The following PAIP2 variants were observed in gnomAD, a reference collection of about 807,000 sequenced individuals.
The protein encoded by PAIP2 is poly(A) binding protein interacting protein 2, also known as polyadenylate-binding protein-interacting protein 2.
In PAIP2, 7 loss-of-function variants were observed where a neutral mutation model predicts 14.8. The observed-to-expected ratio is 0.47, with a 90% CI of 0.27 to 0.89. The LOEUF (loss-of-function observed/expected upper bound fraction) is 0.89, where lower values mean the gene tolerates loss of function less well. Ranked by LOEUF, PAIP2 falls within the 40% of genes least tolerant of loss-of-function variation. The pLI is 0.13. For synonymous variants in PAIP2, 47 were observed against 45.3 expected (o/e 1.04, Z -0.15); for missense variants, 122 against 154.7 (o/e 0.79, Z 1.12).
At chr5:139,359,842 C>T (rs1012534910) in intron 1 of PAIP2, among the ~76,000 whole-genome samples, 3 of 151,288 alleles carry the variant, frequency 2.0e-5, no homozygotes, top group South Asian at 2.1e-4. Flanking sequence ...CATGGTGGCA[C>T]GCTCCTGTAA....
At chr5:139,353,790 A>T (rs1228800423) in intron 1 of PAIP2, among the ~76,000 whole-genome samples, 2 of 150,386 alleles carry the variant, frequency 1.3e-5, no homozygotes, top group African/African-American at 4.9e-5. Flanking sequence ...CGCTGTCTCG[A>T]CTCACTGTAC....
At chr5:139,360,851 C>T (rs1291650489) in intron 1 of PAIP2, among the ~76,000 whole-genome samples, 2 of 151,498 alleles carry the variant, frequency 1.3e-5, no homozygotes, top group African/African-American at 4.9e-5. Context: ...TGTGATCTTG[C>T]CTCTCTGCAA....
At chr5:139,366,303 A>G (rs1163563753) in intron 3 of PAIP2, among the ~76,000 whole-genome samples, 2 of 152,056 alleles carry the variant, frequency 1.3e-5, no homozygotes, top group Non-Finnish European at 2.9e-5. Flanking sequence ...TAATCTGTAC[A>G]CCATGATTAC....
chr5:139,356,185 C>CGCCT lies in PAIP2; in HGVS notation c.-26-7572_-26-7569dup, dbSNP rs560514687. On this transcript the variant is annotated intron_variant, in intron 1 of 3. Coordinates refer to ENST00000265192, the MANE Select transcript of PAIP2 (RefSeq NM_016480.5). ...AAAGTCGGCTGGGCACGGTGGCTCA[C>CGCCT]GCCTGTAATACCAGCACTTTGGGAG... Among the ~76,000 whole-genome samples, 911 of 151,830 alleles carry CGCCT rather than the reference C, an allele frequency of 6.0e-3. 12 individuals carry two copies. Among genetic ancestry groups the CGCCT allele is most frequent in the African/African-American group, 0.018 (732 of 41,350 alleles).
Position 139,368,747 on chromosome 5 carries a change from G to T in PAIP2, c.333G>T (p.Leu111=). ...TTATTTTCCAGGTCAAGAGCAATCT[G>T]AATCCAAATGCAAAGGAGTTTGTTC... is the stretch of plus-strand genomic sequence containing the variant. The part of the protein sequence containing the change: ...SLEDLVVKSN[L]NPNAKEFVPG... The change falls in exon 4 of 4, where the codon CTG becomes CTT. Residue 111 remains leucine (L), a synonymous_variant. Coordinates refer to ENST00000265192, the MANE Select transcript of PAIP2 (RefSeq NM_016480.5). The T allele has an allele frequency of 6.2e-6, 10 of 1,613,104 alleles. No homozygotes were observed. Among genetic ancestry groups the T allele is most frequent in the Non-Finnish European group, 8.5e-6 (10 of 1,179,328 alleles).
intron 1 of PAIP2, among the ~76,000 whole-genome samples, chr5:139,358,118 C>T (rs1265469807): frequency 6.6e-6 from 1 of 152,208 alleles, no homozygotes; most frequent in Non-Finnish European, 1.5e-5. Context: ...CCACCTCAGA[C>T]TCCCAAAGTG....
chr5:139,353,028 A>G (rs759572530), intron 1 of PAIP2, among the ~76,000 whole-genome samples: 1 of 151,682 alleles, frequency 6.6e-6, no homozygotes, highest in Non-Finnish European at 1.5e-5. Context: ...AGGCAGGACA[A>G]TCGTTTGAAC....
chr5:139,355,060 C>T (rs559401811), intron 1 of PAIP2, among the ~76,000 whole-genome samples: 2 of 151,446 alleles, frequency 1.3e-5, no homozygotes, highest in East Asian at 3.9e-4. Flanking sequence ...CCTCGTGATC[C>T]TCCTGCCCCA....
chr5:139,345,181 A>G (rs73255252), intron 1 of PAIP2, among the ~76,000 whole-genome samples: 3,071 of 151,794 alleles, frequency 0.02, 115 homozygotes, highest in African/African-American at 0.068. Context: ...GAGTAGCTGC[A>G]CCCGACACCA....
At chr5:139,345,349 G>C (rs1281441546) in intron 1 of PAIP2, among the ~76,000 whole-genome samples, 4 of 151,964 alleles carry the variant, frequency 2.6e-5, no homozygotes. Context: ...CAGAGCCCAT[G>C]TTTTTTAATC....
At chr5:139,362,244 GGA>G (rs947962874) in intron 1 of PAIP2, among the ~76,000 whole-genome samples, 1 of 151,878 alleles carries the variant, frequency 6.6e-6, no homozygotes, top group African/African-American at 2.4e-5. Flanking sequence ...TGTTTGAGGT[GGA>G]GTTTCCCTCT....
Position 139,368,794 on chromosome 5 carries a change from T to C in PAIP2, c.380T>C (p.Ile127Thr), listed in dbSNP as rs1757466147. 1 of 1,610,412 alleles carries C rather than the reference T, an allele frequency of 6.2e-7. No individual in the cohort carries two copies. Among genetic ancestry groups the C allele is most frequent in the East Asian group, 2.2e-5 (1 of 44,836 alleles). The change falls in exon 4 of 4, where the codon ATT (isoleucine) becomes ACT (threonine). Residue 127 changes from isoleucine (I) to threonine (T), a missense_variant. Ile to Thr is a moderately conservative substitution (Grantham distance 89). This residue lies in a region of PAIP2 where 46 missense variants were observed against 44.0 expected (regional missense o/e 1.05). Coordinates refer to ENST00000265192, the MANE Select transcript of PAIP2 (RefSeq NM_016480.5). ...GTTCCTGGGGTGAAGTACGGAAATA[T>C]TTGAGTAGACGGGGCCCTCTTTTGG... is the stretch of plus-strand genomic sequence containing the variant. ...EFVPGVKYGNI is the reference protein window; with the variant it reads ...EFVPGVKYGNT
In PAIP2 at chr5:139,363,198, G is replaced by A. The variant is rs575947973; in HGVS notation, c.-26-561G>A. Among the ~76,000 whole-genome samples, 17 of 152,030 alleles carry A rather than the reference G, an allele frequency of 1.1e-4. No homozygotes were observed. In the East Asian group the frequency reaches 3.3e-3, roughly 29 times the overall value. On this transcript the variant is annotated intron_variant, in intron 1 of 3. Coordinates refer to ENST00000265192, the MANE Select transcript of PAIP2 (RefSeq NM_016480.5). ...TGAGGTTGCAGTGAACCAAGATCAT[G>A]CCACTGCATTCCAGCCTGGGTGACA... is the stretch of plus-strand genomic sequence containing the variant.
chr5:139,355,163 TCTC>T (rs1421303207), intron 1 of PAIP2, among the ~76,000 whole-genome samples: 3 of 105,934 alleles, frequency 2.8e-5, no homozygotes, highest in Admixed American at 1.0e-4. Context: ...TATTTGTCTC[TCTC>T]TTTTTTTTTT....
intron 1 of PAIP2, among the ~76,000 whole-genome samples, chr5:139,357,555 A>G (rs1756951208): frequency 6.6e-6 from 1 of 152,172 alleles, no homozygotes; most frequent in Non-Finnish European, 1.5e-5. Flanking sequence ...TATTGCAGCC[A>G]GGGGCCGTGG....
At chr5:139,357,485 TGA>T (rs1756948726) in intron 1 of PAIP2, among the ~76,000 whole-genome samples, 1 of 152,198 alleles carries the variant, frequency 6.6e-6, no homozygotes, top group East Asian at 1.9e-4. Context: ...AGCAAACTCT[TGA>T]GCCAGTCCTT....
At chr5:139,345,025 C>T (rs1019838123) in intron 1 of PAIP2, among the ~76,000 whole-genome samples, 2 of 151,954 alleles carry the variant, frequency 1.3e-5, no homozygotes, top group Non-Finnish European at 2.9e-5. Flanking sequence ...GTTCCAGAGC[C>T]CATGGGTTTT....
chr5:139,362,474 A>G (rs987631790), intron 1 of PAIP2, among the ~76,000 whole-genome samples: 48 of 140,052 alleles, frequency 3.4e-4, no homozygotes, highest in African/African-American at 1.1e-3. Flanking sequence ...GCAACGGCGC[A>G]ATCTTGGCTC....
At chr5:139,350,921 A>G (rs1183474743) in intron 1 of PAIP2, among the ~76,000 whole-genome samples, 1 of 152,142 alleles carries the variant, frequency 6.6e-6, no homozygotes, top group African/African-American at 2.4e-5. Flanking sequence ...GGGATGATGT[A>G]ATTTATATGG....
Sources: gnomAD v4.1 joint callset for allele counts (sites outside exome capture counted in the v4.1 genomes callset) on GRCh38, gnomAD v4.1.1 for gene constraint, gnomAD v4.1.1 regional missense constraint, MANE v1.5 for transcripts, NCBI Gene and HGNC (gene_info 2026-07-23, HGNC 2026-07-21) for gene names.